Variants in COL22A1 observed in about 807,000 individuals in gnomAD.
COL22A1 encodes the protein collagen alpha-1(XXII) chain.
In COL22A1, 221 loss-of-function variants were observed where a neutral mutation model predicts 248.9. The ratio of observed to expected loss-of-function variants is 0.89; its 90% CI spans 0.80 to 0.99. The LOEUF (loss-of-function observed/expected upper bound fraction) is 0.99, where lower values mean the gene tolerates loss of function less well. Ranked by LOEUF, COL22A1 falls within the 50% of genes least tolerant of loss-of-function variation. The pLI is 0.00. For missense variants in COL22A1, 2,240 were observed against 2,179.0 expected (o/e 1.03, Z -0.56); for synonymous variants, 891 against 793.4 (o/e 1.12, Z -2.07).
intron 23 of COL22A1, among the ~76,000 whole-genome samples, chr8:138,736,770 G>A (rs1453351696): frequency 6.6e-6 from 1 of 152,110 alleles, no homozygotes; most frequent in East Asian, 1.9e-4. Flanking sequence ...AATCCAGGGA[G>A]CGAGAACAGC....
intron 3 of COL22A1, among the ~76,000 whole-genome samples, chr8:138,876,690 C>A (rs555311008): frequency 4.6e-5 from 7 of 152,204 alleles, no homozygotes; most frequent in African/African-American, 1.7e-4. Context: ...CCTGCCTCCC[C>A]TTCTGACTCA....
chr8:138,747,218 T>C (rs926718166), intron 22 of COL22A1, among the ~76,000 whole-genome samples: 1 of 152,238 alleles, frequency 6.6e-6, no homozygotes, highest in Admixed American at 6.5e-5. Context: ...GGAGTGTTGG[T>C]ATATAGAAAA....
intron 3 of COL22A1, among the ~76,000 whole-genome samples, chr8:138,862,026 T>TAAAAAAAAAAAAAAAAAAAAA (rs386414193): frequency 3.2e-5 from 3 of 93,270 alleles, no homozygotes; most frequent in East Asian, 3.7e-4. Context: ...CTGTCTCTAC[T>TAAAAAAAAAAAAAAAAAAAAA]AAAAAAAAAA....
intron 4 of COL22A1, among the ~76,000 whole-genome samples, chr8:138,835,584 A>G (rs1187246829): frequency 6.6e-6 from 1 of 152,138 alleles, no homozygotes; most frequent in Non-Finnish European, 1.5e-5. Flanking sequence ...TCGCCACCCT[A>G]TCCCCCTCAG....
At chr8:138,778,611 T>C (rs553767878) in intron 14 of COL22A1, among the ~76,000 whole-genome samples, 5 of 152,346 alleles carry the variant, frequency 3.3e-5, no homozygotes, top group African/African-American at 9.6e-5. Context: ...TCATGCCATC[T>C]GCTGCCTGGT....
In COL22A1 at chr8:138,844,122, C is replaced by A; in HGVS notation, c.695G>T (p.Arg232Leu). Residue 232 changes from arginine to leucine, a missense_variant, in exon 4 of 65, where the codon CGC (arginine) becomes CTC (leucine). Transcript: ENST00000303045. Reference protein sequence around the residue: ...LCPSVRVEGDRFKHTNGGTKE... With the variant: ...LCPSVRVEGDLFKHTNGGTKE... Reference sequence around the variant, plus strand: ...GGTTCCTCCATTGGTGTGCTTAAAGCGATCTCCTTCTACACGAACGCTAGG... The same window carrying A: ...GGTTCCTCCATTGGTGTGCTTAAAGAGATCTCCTTCTACACGAACGCTAGG... 1 of 1,614,202 alleles carries A rather than the reference C, an allele frequency of 6.2e-7. No homozygotes were observed. The highest frequency in any genetic ancestry group is 8.5e-7 in the Non-Finnish European group (1 of 1,180,022).
chr8:138,590,492 C>G (rs999759576), intron 64 of COL22A1, among the ~76,000 whole-genome samples: 1 of 151,944 alleles, frequency 6.6e-6, no homozygotes, highest in Non-Finnish European at 1.5e-5. Context: ...AAAAGTTATT[C>G]TTAATATTGT....
At chr8:138,601,444 G>A (rs905845665) in intron 60 of COL22A1, among the ~76,000 whole-genome samples, 3 of 152,084 alleles carry the variant, frequency 2.0e-5, no homozygotes, top group African/African-American at 7.2e-5. Context: ...TGGGCTGGGG[G>A]TGCCTGGGAC....
intron 42 of COL22A1, among the ~76,000 whole-genome samples, chr8:138,663,305 T>G (rs1824153108): frequency 6.6e-6 from 1 of 152,200 alleles, no homozygotes; most frequent in African/African-American, 2.4e-5. Flanking sequence ...CTCCCGGGTC[T>G]TGCTCTGCCT....
chr8:138,743,549 A>G (rs899511144), intron 22 of COL22A1, among the ~76,000 whole-genome samples: 1 of 152,040 alleles, frequency 6.6e-6, no homozygotes, highest in Non-Finnish European at 1.5e-5. Context: ...GATAGTGGCA[A>G]CTCTAGTAAA....
intron 3 of COL22A1, among the ~76,000 whole-genome samples, chr8:138,856,331 G>T (rs754577210): frequency 3.3e-5 from 5 of 152,200 alleles, no homozygotes; most frequent in Non-Finnish European, 7.3e-5. Context: ...GTGTGCATTT[G>T]TGTGTGAATG....
intron 47 of COL22A1, among the ~76,000 whole-genome samples, chr8:138,641,127 G>A (rs960583237): frequency 2.0e-5 from 3 of 152,236 alleles, no homozygotes; most frequent in Admixed American, 6.5e-5. Flanking sequence ...GAATCTTTCA[G>A]AACCGTGGCA....
chr8:138,610,845 C>A (rs957076958), intron 56 of COL22A1, among the ~76,000 whole-genome samples: 1 of 152,204 alleles, frequency 6.6e-6, no homozygotes, highest in African/African-American at 2.4e-5. Context: ...GGGAGGACTG[C>A]CTGAGCCCAG....
At position 138,834,236 on chromosome 8, in the gene COL22A1, G is replaced by GC. The variant is rs200389485; in HGVS notation, c.734-1087dup. Among the ~76,000 whole-genome samples, 1,374 of 151,644 alleles carry GC rather than the reference G, an allele frequency of 9.1e-3. 27 individuals carry two copies. Among genetic ancestry groups the GC allele is most frequent in the African/African-American group, 0.03 (1,258 of 41,310 alleles). On this transcript the variant is annotated intron_variant, in intron 4 of 64. Transcript: ENST00000303045. ...CAGGCACCAGGCTGAACTCACCTGT[G>GC]CCCCCCCAGGGATAATATACTTCTC...
chr8:138,650,030 C>T (rs1184410742), intron 45 of COL22A1, among the ~76,000 whole-genome samples: 1 of 152,158 alleles, frequency 6.6e-6, no homozygotes, highest in Non-Finnish European at 1.5e-5. Flanking sequence ...TCCATTTCCC[C>T]CTATTTCCAC....
intron 3 of COL22A1, among the ~76,000 whole-genome samples, chr8:138,855,873 A>G (rs1045226212): frequency 1.7e-4 from 26 of 152,170 alleles, no homozygotes; most frequent in Admixed American, 1.5e-3. Flanking sequence ...ACCCACTGTC[A>G]ACGGTGTAGG....
At chr8:138,668,385 A>C (rs985888395) in intron 41 of COL22A1, among the ~76,000 whole-genome samples, 1 of 152,122 alleles carries the variant, frequency 6.6e-6, no homozygotes, top group Non-Finnish European at 1.5e-5. Context: ...CCATAATAAA[A>C]ATTTATATAT....
chr8:138,715,988 GCCT>G (rs1829401816), intron 29 of COL22A1, among the ~76,000 whole-genome samples: 1 of 152,136 alleles, frequency 6.6e-6, no homozygotes, highest in African/African-American at 2.4e-5. Context: ...AGCCCCATCT[GCCT>G]CCTCTGAAAA....
At chr8:138,863,769 A>C (rs551778109) in intron 3 of COL22A1, among the ~76,000 whole-genome samples, 2 of 152,104 alleles carry the variant, frequency 1.3e-5, no homozygotes, top group South Asian at 2.1e-4. Context: ...GGAGGCAGTG[A>C]GGTGGGGTCT....
Sources: allele counts gnomAD v4.1 joint callset (sites outside exome capture counted in the v4.1 genomes callset), GRCh38; gene constraint gnomAD v4.1.1; transcripts MANE v1.5; gene names NCBI Gene and HGNC (gene_info 2026-07-23, HGNC 2026-07-21).